Variants in COL22A1 observed in about 807,000 individuals in gnomAD.
COL22A1 encodes the protein collagen type XXII alpha 1 chain.
In COL22A1, 221 loss-of-function variants were observed where a neutral mutation model predicts 248.9. The observed-to-expected ratio is 0.89, with a 90% confidence interval of 0.80 to 0.99. The LOEUF (loss-of-function observed/expected upper bound fraction) is 0.99. COL22A1 is among the 50% of genes least tolerant of loss of function. The probability of loss-of-function intolerance (pLI) is 0.00; values close to 1 mark genes in which losing one functional copy is unlikely to be tolerated. For missense variants in COL22A1, 2,240 were observed against 2,179.0 expected, an observed-to-expected ratio of 1.03 and a Z score of -0.56; for synonymous variants, 891 against 793.4, an observed-to-expected ratio of 1.12 and a Z score of -2.07.
chr8:138,672,713 C>A (rs1258247928), intron 41 of COL22A1, among the ~76,000 whole-genome samples: 3 of 152,150 alleles, frequency 2.0e-5, no homozygotes, highest in Non-Finnish European at 2.9e-5. Context: ...ATCACTGGGG[C>A]AAAGGCAGGG....
intron 41 of COL22A1, among the ~76,000 whole-genome samples, chr8:138,664,243 A>T (rs889775847): frequency 1.3e-5 from 2 of 151,082 alleles, no homozygotes; most frequent in Admixed American, 1.3e-4. Flanking sequence ...ACACACACAC[A>T]CACACACACA....
At position 138,850,500 on chromosome 8, in the gene COL22A1, T is replaced by C. The variant is rs564971974; in HGVS notation, c.659-6342A>G. Among the ~76,000 whole-genome samples the C allele has an allele frequency of 1.2e-4, 19 of 152,146 alleles. No individual in the cohort carries two copies. In the South Asian group the frequency reaches 3.7e-3, roughly 30 times the overall value. ...ACTCAGAAAGATGCGGCACGAAGAA[T>C]GAGGGGTGGGGCTCCGGCACAGCTG... On this transcript the variant is annotated intron_variant, in intron 3 of 64. Transcript: ENST00000303045.
At chr8:138,598,215 T>G (rs1407846102) in intron 61 of COL22A1, among the ~76,000 whole-genome samples, 1 of 151,160 alleles carries the variant, frequency 6.6e-6, no homozygotes, top group East Asian at 1.9e-4. Flanking sequence ...AAATAAGCCC[T>G]TGTTCCCAGC....
At chr8:138,801,269 C>T (rs73362892) in intron 11 of COL22A1, among the ~76,000 whole-genome samples, 1 of 152,160 alleles carries the variant, frequency 6.6e-6, no homozygotes, top group Admixed American at 6.5e-5. Flanking sequence ...GCAAGTCATT[C>T]GAGCCTGAGA....
chr8:138,718,643 T>G (rs1204938437), intron 27 of COL22A1, among the ~76,000 whole-genome samples: 1 of 152,244 alleles, frequency 6.6e-6, no homozygotes, highest in Non-Finnish European at 1.5e-5. Context: ...CTTCAGTTGA[T>G]GCTTTGTCAA....
intron 3 of COL22A1, 139 bp downstream of exon 3, chr8:138,877,611 C>T (rs1823821210): frequency 1.2e-6 from 1 of 833,538 alleles, no homozygotes; most frequent in Admixed American, 3.2e-5. Context: ...ATGTGGGTCC[C>T]CTCAGCCTCT....
chr8:138,760,338 G>C (rs1833371835), intron 17 of COL22A1, 51 bp from the exon 18 acceptor site: 5 of 1,537,220 alleles, frequency 3.3e-6, no homozygotes, highest in Non-Finnish European at 4.4e-6. Flanking sequence ...CGGATACGGT[G>C]GTGGGGTGTT....
chr8:138,880,076 T>C (rs1824076666), intron 2 of COL22A1, among the ~76,000 whole-genome samples: 2 of 151,846 alleles, frequency 1.3e-5, no homozygotes, highest in African/African-American at 2.4e-5. Flanking sequence ...ATCAGATAAA[T>C]GGAAAAGAAA....
At chr8:138,729,535 A>G (rs1369906227) in intron 23 of COL22A1, among the ~76,000 whole-genome samples, 1 of 152,210 alleles carries the variant, frequency 6.6e-6, no homozygotes, top group Non-Finnish European at 1.5e-5. Flanking sequence ...TGCCGTAGCC[A>G]TTTACAGAGA....
At chr8:138,594,990 C>G (rs1474568693) in intron 62 of COL22A1, among the ~76,000 whole-genome samples, 1 of 152,106 alleles carries the variant, frequency 6.6e-6, no homozygotes, top group East Asian at 1.9e-4. Context: ...TTCAATGGGA[C>G]AGGGGATATA....
intron 45 of COL22A1, among the ~76,000 whole-genome samples, chr8:138,655,598 C>T (rs1163181585): frequency 2.0e-5 from 3 of 152,246 alleles, no homozygotes; most frequent in South Asian, 4.2e-4. Flanking sequence ...AACTCCTGGG[C>T]TCAGGGCTTA....
intron 13 of COL22A1, 74 bp downstream of exon 13, chr8:138,780,853 G>A: frequency 7.8e-7 from 1 of 1,276,528 alleles, no homozygotes; most frequent in South Asian, 1.2e-5. Flanking sequence ...CCCACTTAAG[G>A]ACACGGGGTT....
intron 16 of COL22A1, among the ~76,000 whole-genome samples, chr8:138,770,325 G>T (rs1181573377): frequency 2.0e-5 from 3 of 152,108 alleles, no homozygotes; most frequent in African/African-American, 7.2e-5. Flanking sequence ...TGCCTGGCTG[G>T]ATTCACCTTA....
At chr8:138,732,496 G>A (rs1386509677) in intron 23 of COL22A1, among the ~76,000 whole-genome samples, 2 of 152,204 alleles carry the variant, frequency 1.3e-5, no homozygotes, top group Non-Finnish European at 2.9e-5. Context: ...ACGGTTGGAG[G>A]CCCCTTCTTC....
chr8:138,802,879 C>T lies in COL22A1; in HGVS notation c.1550G>A (p.Gly517Asp). 1.2e-6 allele frequency: 2 copies of T among 1,613,794 alleles called. No homozygotes were observed. The highest frequency in any genetic ancestry group is 1.3e-5 in the African/African-American group (1 of 75,038). The part of the protein sequence containing the change: ...VGAPGPKGEK[G>D]DVGIGPFGQG... ...GAGCAGCCATCTACTCACCACATCACCTTTCTCTCCCTTAGGTCCAGGAGC... is the reference window on the plus strand; with the variant it reads ...GAGCAGCCATCTACTCACCACATCATCTTTCTCTCCCTTAGGTCCAGGAGC... Residue 517 changes from glycine (G) to aspartate (D), a missense_variant, in exon 11 of 65, where the codon GGT (glycine) becomes GAT (aspartate). Gly to Asp is a moderately conservative substitution (Grantham distance 94). Coordinates refer to ENST00000303045, the MANE Select transcript of COL22A1 (RefSeq NM_152888.3).
In COL22A1 at chr8:138,615,520, G is replaced by A. The variant is rs148457059; in HGVS notation, c.3924+481C>T. Among the ~76,000 whole-genome samples, 473 of 136,280 alleles carry A rather than the reference G, an allele frequency of 3.5e-3. 3 individuals are homozygous for A. Among genetic ancestry groups the A allele is most frequent in the African/African-American group, 0.012 (451 of 36,704 alleles). 89.4% of individuals were successfully genotyped at this position (136,280 alleles called of 152,430 possible). ...CACTTCAGCCTGGGCGACGGAGTGA[G>A]ACTCCATCTCAAAAAAAAAAAAAAA... On this transcript the variant is annotated intron_variant, in intron 55 of 64. Transcript: ENST00000303045.
chr8:138,893,990 G>A (rs1333303608), intron 1 of COL22A1, among the ~76,000 whole-genome samples: 1 of 152,162 alleles, frequency 6.6e-6, no homozygotes, highest in African/African-American at 2.4e-5. Flanking sequence ...GACAAGGGCT[G>A]CCTTCACCAG....
At chr8:138,692,279 C>CGTTTGTGG (rs1564201821) in intron 35 of COL22A1, among the ~76,000 whole-genome samples, 7 of 1,236 alleles carry the variant, frequency 5.7e-3, no homozygotes, top group Non-Finnish European at 8.8e-3. Context: ...TTTGTGTGCA[C>CGTTTGTGG]ATGCATGTGT....
intron 1 of COL22A1, among the ~76,000 whole-genome samples, chr8:138,902,917 T>G (rs1814725447): frequency 6.6e-6 from 1 of 151,832 alleles, no homozygotes; most frequent in South Asian, 2.1e-4. Flanking sequence ...TATGGAAACA[T>G]GAAACGTTTT....
Sources: allele counts gnomAD v4.1 joint callset (sites outside exome capture counted in the v4.1 genomes callset), GRCh38; gene constraint gnomAD v4.1.1; transcripts MANE v1.5; gene names NCBI Gene and HGNC (gene_info 2026-07-23, HGNC 2026-07-21).